The following GLIS3 variants were observed in gnomAD, a reference collection of about 807,000 sequenced individuals.
GLIS3 encodes zinc finger protein GLIS3.
A neutral mutation model predicts 78.6 loss-of-function variants in GLIS3; 53 were observed. The observed-to-expected ratio is 0.67, with a 90% CI of 0.54 to 0.85. The LOEUF (loss-of-function observed/expected upper bound fraction) is 0.85, where lower values mean the gene tolerates loss of function less well. GLIS3 is among the 40% of genes least tolerant of loss of function. The pLI, the probability that GLIS3 is intolerant of heterozygous loss-of-function variation, is 0.00. For synonymous variants in GLIS3, 684 were observed against 509.9 expected (o/e 1.34, Z -4.60); for missense variants, 1,703 against 1,231.1 (o/e 1.38, Z -5.74).
At chr9:4,376,550 G>A in the GLIS3 span, among the ~76,000 whole-genome samples, 1 of 134,752 alleles carries the variant, frequency 7.4e-6, no homozygotes, top group African/African-American at 2.6e-5. Context: ...CCTGACTTTT[G>A]TAAGTCATTA....
intron 2 of GLIS3, among the ~76,000 whole-genome samples, chr9:4,188,532 C>A (rs1379098335): frequency 1.3e-5 from 2 of 151,394 alleles, no homozygotes; most frequent in Non-Finnish European, 2.9e-5. Flanking sequence ...GGGAGGATTC[C>A]CTCTTTTTCT....
chr9:4,258,529 T>C (rs1825201327), intron 2 of GLIS3, among the ~76,000 whole-genome samples: 1 of 152,188 alleles, frequency 6.6e-6, no homozygotes, highest in Non-Finnish European at 1.5e-5. Flanking sequence ...AATCTAAAAT[T>C]ATCCTGAAAG....
At chr9:4,114,257 T>A (rs1399894853) in intron 4 of GLIS3, among the ~76,000 whole-genome samples, 4 of 152,126 alleles carry the variant, frequency 2.6e-5, no homozygotes, top group Non-Finnish European at 5.9e-5. Flanking sequence ...CATTGCACAG[T>A]CTTCAACTTG....
Position 3,977,493 on chromosome 9 carries a change from T to G in GLIS3, c.1711-40304A>C, listed in dbSNP as rs1342205053. ...AAAGAAAAGATTTATTGAATTCCTT[T>G]TGGCACCCGGCACAGCTTAGCAATT... On this transcript the variant is annotated intron_variant, in intron 4 of 10. Coordinates refer to ENST00000381971, the MANE Select transcript of GLIS3 (RefSeq NM_001042413.2). This position sits in a 1 kb window ranked among gnomAD's most constrained non-coding sequence, Gnocchi z 4.1. Among the ~76,000 whole-genome samples the G allele has an allele frequency of 6.6e-6, 1 of 152,166 alleles. No homozygotes were observed. The highest frequency in any genetic ancestry group is 1.5e-5 in the Non-Finnish European group (1 of 68,032).
chr9:4,476,548 G>A, the GLIS3 span, among the ~76,000 whole-genome samples: 5 of 151,992 alleles, frequency 3.3e-5, 1 homozygote, highest in South Asian at 1.0e-3. Flanking sequence ...TTTTAGTAAG[G>A]ATGGGGTTTC....
intron 4 of GLIS3, among the ~76,000 whole-genome samples, chr9:3,982,539 T>C (rs1819386790): frequency 6.6e-6 from 1 of 152,208 alleles, no homozygotes; most frequent in African/African-American, 2.4e-5. Context: ...AAGCTTCTTC[T>C]TTTTCTTGTT....
rs1404271717 is a variant in GLIS3, at chr9:3,965,188, CTTTTCT to C, written c.1711-28005_1711-28000del. 2.0e-4 allele frequency among the ~76,000 whole-genome samples: 20 copies of C among 99,020 alleles called. 1 individual carries two copies. In the South Asian group the frequency reaches 3.9e-3, roughly 20 times the overall value. 65.0% of individuals were successfully genotyped at this position (99,020 alleles called of 152,430 possible). ...TACTTCTTTTCTATTTCTTTCTTTT[CTTTTCT>C]TTTTTTTTTTTTTTTTTTGAGACAG... On this transcript the variant is annotated intron_variant, in intron 4 of 10. Coordinates refer to ENST00000381971, the MANE Select transcript of GLIS3 (RefSeq NM_001042413.2).
Position 4,118,918 on chromosome 9 carries a change from TAAAC to T in GLIS3, c.597-41_597-38del, listed in dbSNP as rs769543643. On this transcript the variant is annotated intron_variant, in intron 3 of 10. Transcript: ENST00000381971. This position sits in a 1 kb window ranked among gnomAD's most constrained non-coding sequence, Gnocchi z 4.7. ...GCCAGAAAGGAAGAAAAAAAAAAGA[TAAAC>T]ATTTTAGCAGGATACGGATTGCTTA... 3.8e-6 allele frequency: 6 copies of T among 1,587,946 alleles called. No homozygotes were observed. In the South Asian group the frequency reaches 6.7e-5, roughly 18 times the overall value.
intron 4 of GLIS3, among the ~76,000 whole-genome samples, chr9:3,959,455 T>C (rs1351590141): frequency 1.3e-5 from 2 of 152,136 alleles, no homozygotes; most frequent in Non-Finnish European, 2.9e-5. Context: ...AATCAGAAAA[T>C]GTAATTCCTC....
chr9:4,132,064 A>C (rs1263272802), intron 2 of GLIS3, among the ~76,000 whole-genome samples: 2 of 151,914 alleles, frequency 1.3e-5, no homozygotes, highest in East Asian at 1.9e-4. Flanking sequence ...AAAAAAAAAA[A>C]ACAAAAAACC....
chr9:4,416,803 C>T, the GLIS3 span, among the ~76,000 whole-genome samples: 17 of 145,038 alleles, frequency 1.2e-4, no homozygotes, highest in African/African-American at 4.1e-4. Flanking sequence ...GTCAACATTC[C>T]CATAGTCAGT....
chr9:4,045,208 G>A (rs1175980054), intron 4 of GLIS3, among the ~76,000 whole-genome samples: 5 of 152,168 alleles, frequency 3.3e-5, no homozygotes, highest in South Asian at 2.1e-4. Context: ...CATCCTTATC[G>A]TAAGCCCTAT....
At chr9:4,466,146 C>G in the GLIS3 span, among the ~76,000 whole-genome samples, 2 of 152,056 alleles carry the variant, frequency 1.3e-5, no homozygotes, top group Non-Finnish European at 1.5e-5. Context: ...ATCTAAAGGA[C>G]CTTAAAGATA....
intron 4 of GLIS3, among the ~76,000 whole-genome samples, chr9:4,306,522 C>A (rs886474522): frequency 1.3e-5 from 2 of 152,206 alleles, no homozygotes; most frequent in African/African-American, 4.8e-5. Context: ...TACTGGTTAA[C>A]AAATGTTGCC....
At chr9:3,829,619 C>T in intron 9 of GLIS3, 127 bp from the exon 10 acceptor site, 5 of 865,456 alleles carry the variant, frequency 5.8e-6, no homozygotes, top group African/African-American at 1.7e-5. Context: ...TTAAGGCCAC[C>T]TGTAGAATCT....
At chr9:3,844,542 ATAATAT>A (rs1316312932) in intron 9 of GLIS3, among the ~76,000 whole-genome samples, 2 of 152,244 alleles carry the variant, frequency 1.3e-5, no homozygotes, top group Non-Finnish European at 2.9e-5. Context: ...TAAGTCTATA[ATAATAT>A]TAATTAAACA....
the GLIS3 span, among the ~76,000 whole-genome samples, chr9:4,380,103 T>C: frequency 2.6e-5 from 4 of 152,178 alleles, no homozygotes; most frequent in African/African-American, 9.7e-5. Context: ...CACCGGAGCA[T>C]TGTGGGACAA....
the GLIS3 span, among the ~76,000 whole-genome samples, chr9:4,371,581 C>A: frequency 6.6e-6 from 1 of 152,162 alleles, no homozygotes; most frequent in Non-Finnish European, 1.5e-5. Flanking sequence ...TAACCCCCAG[C>A]CTGTGCCCCT....
chr9:4,316,739 G>C (rs936059538), intron 2 of GLIS3, among the ~76,000 whole-genome samples: 6 of 152,136 alleles, frequency 3.9e-5, no homozygotes, highest in African/African-American at 1.4e-4. Flanking sequence ...GATAAGCTTC[G>C]ACCATCTGCA....
Sources: gnomAD v4.1 joint callset for allele counts (sites outside exome capture counted in the v4.1 genomes callset) on GRCh38, gnomAD v4.1.1 for gene constraint, Gnocchi (gnomAD v3.1) non-coding constraint, MANE v1.5 for transcripts, NCBI Gene and HGNC (gene_info 2026-07-23, HGNC 2026-07-21) for gene names.